TRPC4: variants seen among roughly 807,000 people sequenced by gnomAD.
TRPC4 encodes transient receptor potential cation channel subfamily C member 4, also known as short transient receptor potential channel 4.
Under a neutral mutation model 99.4 loss-of-function variants are expected in TRPC4, and 49 were observed. The observed-to-expected ratio is 0.49, with a 90% CI of 0.39 to 0.63. The LOEUF (loss-of-function observed/expected upper bound fraction) is 0.63, where lower values mean the gene tolerates loss of function less well. TRPC4 is among the 20% of genes least tolerant of loss of function. TRPC4 has a pLI of 0.00. For synonymous variants in TRPC4, 454 were observed against 425.9 expected, an observed-to-expected ratio of 1.07 and a Z score of -0.81; for missense variants, 898 against 1,152.9, an observed-to-expected ratio of 0.78 and a Z score of 3.20.
At chr13:37,768,529 C>CT (rs1345527604) in intron 2 of TRPC4, among the ~76,000 whole-genome samples, 1 of 151,168 alleles carries the variant, frequency 6.6e-6, no homozygotes, top group African/African-American at 2.4e-5. Context: ...AGAAAAAGGA[C>CT]TTTTTTCTCT....
At position 37,633,204 on chromosome 13, in the gene TRPC4, A is replaced by G. The variant is rs1273464115; in HGVS notation, c.*3699T>C. ...AATAATGGTTTTGAAGTTAAGAGGA[A>G]TGCCAGTAATATTAAATTTCTAAAT... is the stretch of plus-strand genomic sequence containing the variant. On this transcript the variant is annotated 3_prime_UTR_variant, in exon 11 of 11. Coordinates refer to ENST00000379705, the MANE Select transcript of TRPC4 (RefSeq NM_016179.4). Among the ~76,000 whole-genome samples, 6 of 152,194 alleles carry G rather than the reference A, an allele frequency of 3.9e-5. No homozygotes were observed. The highest frequency in any genetic ancestry group is 4.4e-5 in the Non-Finnish European group (3 of 68,028).
chr13:37,670,515 A>G (rs140816733), intron 5 of TRPC4, among the ~76,000 whole-genome samples: 91 of 152,282 alleles, frequency 6.0e-4, no homozygotes, highest in African/African-American at 2.0e-3. Context: ...AGGTGAATCT[A>G]TTATTTACTA....
chr13:37,674,198 T>C (rs746884436), intron 5 of TRPC4, 30 bp downstream of exon 5: 20 of 1,548,326 alleles, frequency 1.3e-5, no homozygotes, highest in Non-Finnish European at 2.6e-6. Context: ...TCAGAACATA[T>C]GCTTTACCAA....
chr13:37,791,540 C>T (rs1957120074), intron 1 of TRPC4, among the ~76,000 whole-genome samples: 1 of 151,962 alleles, frequency 6.6e-6, no homozygotes, highest in Non-Finnish European at 1.5e-5. Context: ...ATGAACATAT[C>T]TGTATGTCAA....
intron 1 of TRPC4, among the ~76,000 whole-genome samples, chr13:37,831,212 A>C (rs1958413750): frequency 6.6e-6 from 1 of 152,168 alleles, no homozygotes; most frequent in South Asian, 2.1e-4. Context: ...AACCCTAATA[A>C]AAATTGGGCA....
intron 3 of TRPC4, among the ~76,000 whole-genome samples, chr13:37,695,974 A>G (rs969871442): frequency 4.6e-5 from 7 of 152,224 alleles, no homozygotes; most frequent in Non-Finnish European, 8.8e-5. Context: ...AAGAAACTTC[A>G]CTACATTGTA....
intron 1 of TRPC4, among the ~76,000 whole-genome samples, chr13:37,817,512 TAGAG>T (rs1303411050): frequency 1.3e-5 from 2 of 151,946 alleles, no homozygotes; most frequent in Non-Finnish European, 2.9e-5. Flanking sequence ...TTCAGGGTAG[TAGAG>T]AGAACTATTT....
intron 1 of TRPC4, among the ~76,000 whole-genome samples, chr13:37,863,900 C>A (rs1959564537): frequency 6.6e-6 from 1 of 151,626 alleles, no homozygotes; most frequent in Non-Finnish European, 1.5e-5. Flanking sequence ...ACATAGTCAG[C>A]ACTATTATAC....
intron 1 of TRPC4, among the ~76,000 whole-genome samples, chr13:37,790,984 T>C (rs1957103721): frequency 6.6e-6 from 1 of 152,188 alleles, no homozygotes; most frequent in African/African-American, 2.4e-5. Flanking sequence ...TGTAATTTTA[T>C]ATCTTATTAA....
At chr13:37,714,765 T>TTCTG (rs1954605707) in intron 3 of TRPC4, among the ~76,000 whole-genome samples, 1 of 11,428 alleles carries the variant, frequency 8.8e-5, no homozygotes, top group African/African-American at 2.6e-4. Context: ...TTTCCTCCTA[T>TTCTG]TCAGTCAGTT....
intron 1 of TRPC4, among the ~76,000 whole-genome samples, chr13:37,861,652 C>T (rs1959338712): frequency 6.6e-6 from 1 of 151,402 alleles, no homozygotes; most frequent in Non-Finnish European, 1.5e-5. Context: ...CACTTTGTTC[C>T]AAGAACGTGC....
intron 1 of TRPC4, among the ~76,000 whole-genome samples, chr13:37,797,825 C>T (rs778030131): frequency 3.9e-5 from 6 of 152,096 alleles, no homozygotes; most frequent in Admixed American, 6.5e-5. Flanking sequence ...ACAAGTTACT[C>T]GGTTATTTTC....
At chr13:37,740,934 C>A (rs557190222) in intron 3 of TRPC4, among the ~76,000 whole-genome samples, 3 of 152,116 alleles carry the variant, frequency 2.0e-5, no homozygotes, top group Non-Finnish European at 4.4e-5. Context: ...GTTGATTTTT[C>A]TCCTTTAACA....
chr13:37,863,871 A>C (rs796830390), intron 1 of TRPC4, among the ~76,000 whole-genome samples: 6 of 151,742 alleles, frequency 4.0e-5, no homozygotes, highest in African/African-American at 1.4e-4. Flanking sequence ...CATTTATTTC[A>C]CTCATCTATT....
chr13:37,769,112 C>G (rs1448533001), intron 2 of TRPC4, among the ~76,000 whole-genome samples: 1 of 151,278 alleles, frequency 6.6e-6, no homozygotes, highest in East Asian at 2.0e-4. Context: ...TTTAACGAAA[C>G]CTCTGCTAGT....
intron 1 of TRPC4, among the ~76,000 whole-genome samples, chr13:37,814,976 A>G (rs1362635423): frequency 6.6e-6 from 1 of 151,844 alleles, no homozygotes; most frequent in Admixed American, 6.6e-5. Flanking sequence ...CTGGAATATT[A>G]GACATAAAGG....
intron 3 of TRPC4, among the ~76,000 whole-genome samples, chr13:37,700,730 C>T (rs1954078362): frequency 6.6e-6 from 1 of 152,122 alleles, no homozygotes; most frequent in Non-Finnish European, 1.5e-5. Context: ...GGAGTTGTTT[C>T]TCTACCCATC....
At chr13:37,868,287 T>C (rs923754139) in intron 1 of TRPC4, among the ~76,000 whole-genome samples, 1 of 79,518 alleles carries the variant, frequency 1.3e-5, no homozygotes, top group Non-Finnish European at 2.6e-5. Flanking sequence ...AAATTGATCT[T>C]ATTGTTTTTT....
At position 37,701,107 on chromosome 13, in the gene TRPC4, C is replaced by G. The variant is rs962780796; in HGVS notation, c.898-8772G>C. Among the ~76,000 whole-genome samples, 7 of 152,056 alleles carry G rather than the reference C, an allele frequency of 4.6e-5. No homozygotes were observed. The East Asian group carries it at 1.4e-3, about 29-fold the overall frequency. ...TGCTCCAACTTGTATGGCAACAGAG[C>G]TGGCAACTGCACAAAAACAACACAT... On this transcript the variant is annotated intron_variant, in intron 3 of 10. Transcript: ENST00000379705.
Sources: gnomAD v4.1 joint callset for allele counts (sites outside exome capture counted in the v4.1 genomes callset) on GRCh38, gnomAD v4.1.1 for gene constraint, MANE v1.5 for transcripts, NCBI Gene and HGNC (gene_info 2026-07-23, HGNC 2026-07-21) for gene names.